Variants in DOP1A observed in about 807,000 individuals in gnomAD.
DOP1A encodes protein DOP1A.
Under a neutral mutation model 267.6 loss-of-function variants are expected in DOP1A, and 90 were observed. The observed-to-expected ratio is 0.34, with a 90% CI of 0.28 to 0.40. The LOEUF (loss-of-function observed/expected upper bound fraction) is 0.40. DOP1A is among the 10% of genes least tolerant of loss of function. The pLI, the probability that DOP1A is intolerant of heterozygous loss-of-function variation, is 1.00. For synonymous variants in DOP1A, 932 were observed against 999.1 expected, an observed-to-expected ratio of 0.93 and a Z score of 1.27; for missense variants, 2,437 against 2,900.4, an observed-to-expected ratio of 0.84 and a Z score of 3.67.
rs781545209 is a variant in DOP1A, at chr6:83,130,402, A to G, written c.2616+5A>G. On this transcript the variant is annotated splice_donor_5th_base_variant and intron_variant, in intron 17 of 38. Transcript: ENST00000349129. ...GAGAAGACTGAATTTTTCAAGGTAA[A>G]TTCTAAGAAATGCATATATGACTAT... The G allele has an allele frequency of 1.2e-6, 2 of 1,608,524 alleles. No homozygotes were observed. The highest frequency in any genetic ancestry group is 4.5e-5 in the East Asian group (2 of 44,862).
At chr6:83,161,280 G>C (rs1320869711) in intron 37 of DOP1A, 1 of 152,038 alleles carries the variant, frequency 6.6e-6, no homozygotes, top group Non-Finnish European at 1.5e-5. Context: ...ATATTAATTA[G>C]TTTTTTAAAA....
chr6:83,159,991 T>C (rs1334906828), intron 37 of DOP1A, 31 bp downstream of exon 37: 1 of 1,607,368 alleles, frequency 6.2e-7, no homozygotes, highest in Admixed American at 1.7e-5. Flanking sequence ...TAAATGGTTA[T>C]TTTTGAAAGT....
At chr6:83,117,233 C>T (rs1010519505) in intron 7 of DOP1A, among the ~76,000 whole-genome samples, 1 of 151,452 alleles carries the variant, frequency 6.6e-6, no homozygotes, top group African/African-American at 2.4e-5. Context: ...TCACTGCAAC[C>T]TCTGCCTCCA....
chr6:83,153,702 G>A (rs1387529436), intron 31 of DOP1A, 82 bp downstream of exon 31: 1 of 1,259,986 alleles, frequency 7.9e-7, no homozygotes, highest in Middle Eastern at 2.5e-4. Context: ...GCCATTTCTA[G>A]AATTATCATA....
intron 1 of DOP1A, among the ~76,000 whole-genome samples, chr6:83,096,340 C>G (rs928610115): frequency 2.0e-5 from 3 of 151,374 alleles, no homozygotes; most frequent in Admixed American, 6.6e-5. Context: ...CCTCAAGCCT[C>G]CCAAGTAGCT....
intron 4 of DOP1A, among the ~76,000 whole-genome samples, chr6:83,106,317 A>C (rs1051704221): frequency 7.2e-5 from 11 of 152,232 alleles, no homozygotes; most frequent in Non-Finnish European, 1.3e-4. Flanking sequence ...ATAAATCTAG[A>C]TTGCAGACTA....
chr6:83,159,607 A>G, intron 36 of DOP1A, 189 bp from the exon 37 acceptor site: 1 of 673,086 alleles, frequency 1.5e-6, no homozygotes, highest in Non-Finnish European at 2.5e-6. Flanking sequence ...CTGTTTTTGC[A>G]TTCTCAAAGA....
chr6:83,168,446 A>C lies in DOP1A; in HGVS notation c.*279A>C. 9.1e-7 allele frequency: 1 copy of C among 1,095,288 alleles called. No individual in the cohort carries two copies. The highest frequency in any genetic ancestry group is 1.1e-6 in the Non-Finnish European group (1 of 900,772). 67.8% of individuals were successfully genotyped at this position (1,095,288 alleles called of 1,614,324 possible). A position where few individuals can be genotyped will look rare whatever the true frequency, so the allele number is the denominator to read the frequency against. On this transcript the variant is annotated 3_prime_UTR_variant, in exon 39 of 39. Transcript: ENST00000349129. ...GTCCTGAGTTGTCTTAAACCTGCAAAATATACACTACCCATTTTTTTTTTC... is the reference window on the plus strand; with the variant it reads ...GTCCTGAGTTGTCTTAAACCTGCAACATATACACTACCCATTTTTTTTTTC...
Position 83,109,088 on chromosome 6 carries a change from C to T in DOP1A, c.491+8C>T. 1 of 1,607,092 alleles carries T rather than the reference C, an allele frequency of 6.2e-7. No individual in the cohort carries two copies. Among genetic ancestry groups the T allele is most frequent in the South Asian group, 1.1e-5 (1 of 90,276 alleles). On this transcript the variant is annotated splice_region_variant and intron_variant, in intron 5 of 38. Transcript: ENST00000349129. ...ATCAGAGTACTATGAGAGGTAAGATCATATTTGGTGCAGTTATGTAATTGA... is the reference window on the plus strand; with the variant it reads ...ATCAGAGTACTATGAGAGGTAAGATTATATTTGGTGCAGTTATGTAATTGA...
intron 1 of DOP1A, among the ~76,000 whole-genome samples, chr6:83,095,215 G>C (rs1424144961): frequency 6.6e-6 from 1 of 152,200 alleles, no homozygotes; most frequent in East Asian, 1.9e-4. Flanking sequence ...TTACAGGCGT[G>C]AGCCACCGTG....
chr6:83,130,595 C>T lies in DOP1A; in HGVS notation c.2616+198C>T, dbSNP rs181767542. On this transcript the variant is annotated intron_variant, in intron 17 of 38. Coordinates refer to ENST00000349129, the MANE Select transcript of DOP1A (RefSeq NM_015018.4). ...CCCATCTTATTCCCAATTTTGTGAG[C>T]AGGGGAGAAAGATAAGGATAAAGGA... is the stretch of plus-strand genomic sequence containing the variant. Among the ~76,000 whole-genome samples the T allele has an allele frequency of 9.7e-4, 147 of 151,982 alleles. 1 individual carries two copies. Among genetic ancestry groups the T allele is most frequent in the Non-Finnish European group, 1.5e-4 (10 of 68,004 alleles).
At chr6:83,164,878 A>G (rs1785089381) in intron 38 of DOP1A, 1 of 600,684 alleles carries the variant, frequency 1.7e-6, no homozygotes, top group East Asian at 2.9e-5. Flanking sequence ...AATCATTTGT[A>G]TGGAAACATT....
At chr6:83,124,552 C>T (rs1408597309) in intron 12 of DOP1A, among the ~76,000 whole-genome samples, 153 bp from the exon 13 acceptor site, 1 of 152,084 alleles carries the variant, frequency 6.6e-6, no homozygotes, top group Non-Finnish European at 1.5e-5. Context: ...TGAAGAGGTA[C>T]AGTGGCCTGG....
At position 83,101,013 on chromosome 6, in the gene DOP1A, A is replaced by G. The variant is rs535595754; in HGVS notation, c.320+127A>G. The stretch of plus-strand genomic sequence containing the variant: ...TAGTGATTAGAAGTTTTCAGATATC[A>G]ATCTTTGTTTTGTTTTGTTTGAGAC... On this transcript the variant is annotated intron_variant, in intron 4 of 38. Transcript: ENST00000349129. The G allele has an allele frequency of 4.8e-4, 267 of 561,010 alleles. 4 individuals are homozygous for G. In the African/African-American group the frequency reaches 5.0e-3, roughly 11 times the overall value. The allele number at this position is 561,010 out of a possible 1,614,324, so 34.8% of individuals were successfully genotyped here.
chr6:83,157,517 CATAG>C (rs1783060796), intron 35 of DOP1A, among the ~76,000 whole-genome samples, 199 bp downstream of exon 35: 1 of 152,144 alleles, frequency 6.6e-6, no homozygotes, highest in East Asian at 1.9e-4. Context: ...AAACATGCAA[CATAG>C]ATGGATGGCC....
Position 83,153,510 on chromosome 6 carries a change from G to A in DOP1A, c.6130-1G>A. ...ACTCTTCATTTTTTATGTTTTCATA[G>A]GTTTTGGCTCATCTTTTGGATATGG... is the stretch of plus-strand genomic sequence containing the variant. On this transcript the variant is annotated splice_acceptor_variant, in intron 30 of 38. Transcript: ENST00000349129. LOFTEE classifies it high-confidence loss of function. The A allele has an allele frequency of 6.3e-7, 1 of 1,588,210 alleles. No homozygotes were observed. The highest frequency in any genetic ancestry group is 8.6e-7 in the Non-Finnish European group (1 of 1,167,548).
At chr6:83,165,589 C>A in intron 38 of DOP1A, 1 of 174,628 alleles carries the variant, frequency 5.7e-6, no homozygotes, top group South Asian at 1.3e-4. Flanking sequence ...TCCATGCTTC[C>A]AAATTTGACG....
intron 6 of DOP1A, among the ~76,000 whole-genome samples, chr6:83,111,123 G>T (rs1057014683): frequency 4.9e-4 from 74 of 151,818 alleles, no homozygotes; most frequent in African/African-American, 1.5e-3. Context: ...TATATAAGTG[G>T]ACTCATTTTT....
chr6:83,090,810 T>A (rs1022404900), intron 1 of DOP1A, among the ~76,000 whole-genome samples: 2 of 152,172 alleles, frequency 1.3e-5, no homozygotes, highest in Non-Finnish European at 2.9e-5. Context: ...TGTATGTATA[T>A]ATTGGATGAA....
Sources: gnomAD v4.1 joint callset for allele counts (sites outside exome capture counted in the v4.1 genomes callset) on GRCh38, gnomAD v4.1.1 for gene constraint, MANE v1.5 for transcripts, NCBI Gene and HGNC (gene_info 2026-07-23, HGNC 2026-07-21) for gene names.